MTA3: variants seen among roughly 807,000 people sequenced by gnomAD.
The protein encoded by MTA3 is metastasis associated 1 family member 3, also known as metastasis-associated protein MTA3.
A neutral mutation model predicts 83.5 loss-of-function variants in MTA3; 34 were observed. That is an observed-to-expected ratio of 0.41 (90% CI 0.31 to 0.54). The LOEUF is 0.54. MTA3 is among the 20% of genes least tolerant of loss of function. The pLI is 0.33. For missense variants in MTA3, 761 were observed against 726.4 expected (o/e 1.05, Z -0.55); for synonymous variants, 303 against 252.7 (o/e 1.20, Z -1.89).
At chr2:42,675,471 A>G (rs892979107) in intron 8 of MTA3, among the ~76,000 whole-genome samples, 9 of 152,154 alleles carry the variant, frequency 5.9e-5, no homozygotes, top group Non-Finnish European at 1.3e-4. Flanking sequence ...TGAGGTATAC[A>G]TATGGTAACA....
chr2:42,572,668 G>A lies in MTA3; in HGVS notation c.96+2164G>A, dbSNP rs79240558. Among the ~76,000 whole-genome samples the A allele has an allele frequency of 1.1e-4, 17 of 152,256 alleles. No homozygotes were observed. In the East Asian group the frequency reaches 3.1e-3, roughly 28 times the overall value. On this transcript the variant is annotated intron_variant, in intron 2 of 16. Transcript: ENST00000405094. ...TTTCACATTAAGATTTGTCCGAGAT[G>A]GTCGTTTATTAGGACAAAAGAAGCC...
chr2:42,708,729 T>C (rs1344698106), intron 13 of MTA3, 145 bp from the exon 14 acceptor site: 6 of 826,276 alleles, frequency 7.3e-6, no homozygotes, highest in Non-Finnish European at 1.2e-5. Flanking sequence ...TTTAATTCTC[T>C]CTTTTAGAGG....
At chr2:42,586,459 G>A (rs1223344362) in intron 3 of MTA3, among the ~76,000 whole-genome samples, 1 of 112,738 alleles carries the variant, frequency 8.9e-6, no homozygotes, top group African/African-American at 3.4e-5. Flanking sequence ...CAAGAAACCG[G>A]TACAAAGAAG....
chr2:42,622,172 G>A (rs1028430579), intron 4 of MTA3, among the ~76,000 whole-genome samples: 1 of 152,218 alleles, frequency 6.6e-6, no homozygotes, highest in African/African-American at 2.4e-5. Flanking sequence ...GGAGGCCGAG[G>A]CTGGCAGATC....
intron 16 of MTA3, among the ~76,000 whole-genome samples, chr2:42,729,442 A>G (rs1668099691): frequency 6.6e-6 from 1 of 151,830 alleles, no homozygotes; most frequent in African/African-American, 2.4e-5. Flanking sequence ...ATTTATTTTG[A>G]TTTGATTTTT....
chr2:42,721,631 T>A (rs545369601), intron 15 of MTA3, among the ~76,000 whole-genome samples: 8 of 152,276 alleles, frequency 5.3e-5, no homozygotes, highest in Admixed American at 2.0e-4. Context: ...ACCTGGCCAA[T>A]GAGGGAATTT....
At chr2:42,582,739 C>T (rs575244880) in intron 3 of MTA3, among the ~76,000 whole-genome samples, 7 of 152,238 alleles carry the variant, frequency 4.6e-5, no homozygotes, top group African/African-American at 1.7e-4. Flanking sequence ...GCATCTTGGT[C>T]TTGTCTATTT....
Position 42,683,732 on chromosome 2 carries a change from G to A in MTA3, c.891+1143G>A, listed in dbSNP as rs117881128. On this transcript the variant is annotated intron_variant, in intron 9 of 16. Transcript: ENST00000405094. ...AGTTCACAATAGGGTTCATGCTCCC[G>A]TGAGAATCTAATGCCGCTGCTGATC... Among the ~76,000 whole-genome samples the A allele has an allele frequency of 1.6e-4, 24 of 152,174 alleles. 1 individual carries two copies. The highest frequency in any genetic ancestry group is 1.4e-3 in the East Asian group (7 of 5,170).
intron 2 of MTA3, among the ~76,000 whole-genome samples, chr2:42,517,935 G>A (rs560167821): frequency 3.6e-4 from 55 of 150,738 alleles, no homozygotes; most frequent in South Asian, 8.4e-4. Context: ...CCTGTAATCC[G>A]AGCACTTTGG....
At chr2:42,664,910 T>C (rs1053967578) in intron 8 of MTA3, among the ~76,000 whole-genome samples, 1 of 152,194 alleles carries the variant, frequency 6.6e-6, no homozygotes, top group Non-Finnish European at 1.5e-5. Flanking sequence ...AGCAGGTAAT[T>C]AAACTGTTTG....
At chr2:42,716,649 A>T (rs963704181) in intron 14 of MTA3, among the ~76,000 whole-genome samples, 3 of 152,204 alleles carry the variant, frequency 2.0e-5, no homozygotes, top group Admixed American at 2.0e-4. Context: ...TGTTCCTGCA[A>T]AGGACATGAT....
At chr2:42,524,044 T>A (rs1675550792) in intron 2 of MTA3, among the ~76,000 whole-genome samples, 1 of 152,120 alleles carries the variant, frequency 6.6e-6, no homozygotes, top group Non-Finnish European at 1.5e-5. Flanking sequence ...TGATTGCCTC[T>A]CCAGAAACAG....
At chr2:42,518,230 A>C (rs543340709) in intron 2 of MTA3, among the ~76,000 whole-genome samples, 18 of 152,284 alleles carry the variant, frequency 1.2e-4, no homozygotes, top group African/African-American at 4.3e-4. Context: ...TGCACTAAGC[A>C]CCCATATCTT....
At chr2:42,728,869 G>T (rs1210356844) in intron 16 of MTA3, among the ~76,000 whole-genome samples, 3 of 152,086 alleles carry the variant, frequency 2.0e-5, no homozygotes, top group African/African-American at 7.2e-5. Flanking sequence ...TCCCTTGTCA[G>T]ATGGATAGCA....
chr2:42,515,895 C>T (rs191955070), intron 2 of MTA3, among the ~76,000 whole-genome samples: 1 of 148,722 alleles, frequency 6.7e-6, no homozygotes, highest in Non-Finnish European at 1.5e-5. Flanking sequence ...GGCTGGAGTG[C>T]AGTGGTGCGA....
chr2:42,629,939 C>T (rs557502793), intron 4 of MTA3, among the ~76,000 whole-genome samples: 27 of 152,152 alleles, frequency 1.8e-4, no homozygotes, highest in African/African-American at 5.1e-4. Flanking sequence ...TCACCACACC[C>T]GGCTAACTTT....
intron 3 of MTA3, among the ~76,000 whole-genome samples, chr2:42,608,069 A>T (rs1323020114): frequency 6.6e-6 from 1 of 152,240 alleles, no homozygotes; most frequent in Non-Finnish European, 1.5e-5. Context: ...GTCTTTGGTT[A>T]GGTTGGATTT....
intron 12 of MTA3, among the ~76,000 whole-genome samples, chr2:42,705,923 A>G (rs761013399): frequency 2.0e-5 from 3 of 152,198 alleles, no homozygotes; most frequent in African/African-American, 2.4e-5. Flanking sequence ...GATGTTTTCT[A>G]TTTATTAAAT....
rs142293128 is a variant in MTA3 at position 42,687,588 on chromosome 2, G to A, written c.891+4999G>A. Among the ~76,000 whole-genome samples the A allele has an allele frequency of 3.9e-5, 6 of 152,176 alleles. No homozygotes were observed. The South Asian group carries it at 1.0e-3, about 26-fold the overall frequency. The stretch of plus-strand genomic sequence containing the variant: ...GGAAATATGAGCCGTGGGGTTGCTG[G>A]GTCTTACATGATAACTATATGTTTA... On this transcript the variant is annotated intron_variant, in intron 9 of 16. Coordinates refer to ENST00000405094, the MANE Select transcript of MTA3 (RefSeq NM_001330442.2).
Sources: gnomAD v4.1 joint callset for allele counts (sites outside exome capture counted in the v4.1 genomes callset) on GRCh38, gnomAD v4.1.1 for gene constraint, MANE v1.5 for transcripts, NCBI Gene and HGNC (gene_info 2026-07-23, HGNC 2026-07-21) for gene names.